Variants in TALDO1 observed in about 807,000 individuals in gnomAD.
TALDO1 encodes the protein transaldolase 1, also known as transaldolase.
TALDO1 carries 29 observed loss-of-function variants against 38.1 expected under a neutral mutation model. The observed-to-expected ratio is 0.76, with a 90% CI of 0.57 to 1.04. The LOEUF is 1.04. TALDO1 is among the 50% of genes least tolerant of loss of function. The probability of loss-of-function intolerance (pLI) is 0.00; values close to 1 mark genes in which losing one functional copy is unlikely to be tolerated. For missense variants in TALDO1, 499 were observed against 438.1 expected (o/e 1.14, Z -1.24); for synonymous variants, 207 against 176.8 (o/e 1.17, Z -1.36).
intron 1 of TALDO1, chr11:752,591 A>C (rs143976304): frequency 3.9e-5 from 6 of 152,316 alleles, no homozygotes; most frequent in African/African-American, 1.4e-4. Flanking sequence ...TAAAAGGCCC[A>C]AGAGGACAGG....
chr11:763,977 TCGGG>T, intron 6 of TALDO1, 33 bp downstream of exon 6: 1 of 1,600,840 alleles, frequency 6.2e-7, no homozygotes, highest in Non-Finnish European at 8.5e-7. Flanking sequence ...TGGCTCCTGC[TCGGG>T]CAAGGCCAGC....
intron 1 of TALDO1, among the ~76,000 whole-genome samples, chr11:748,869 T>G (rs1862703928): frequency 6.6e-6 from 1 of 152,172 alleles, no homozygotes; most frequent in Non-Finnish European, 1.5e-5. Flanking sequence ...GGCTACACAT[T>G]TTTCTGCTGC....
intron 1 of TALDO1, among the ~76,000 whole-genome samples, chr11:751,482 C>A (rs1228799595): frequency 6.6e-6 from 1 of 152,080 alleles, no homozygotes; most frequent in Admixed American, 6.6e-5. Flanking sequence ...CCAGCCTGGG[C>A]AACACAGTGA....
intron 4 of TALDO1, 98 bp downstream of exon 4, chr11:760,351 G>A (rs561482491): frequency 6.4e-7 from 1 of 1,568,088 alleles, no homozygotes; most frequent in Admixed American, 1.7e-5. Flanking sequence ...CTCAGCCCTG[G>A]GGAATGCCAG....
chr11:762,379 T>C (rs1490749064), intron 4 of TALDO1, among the ~76,000 whole-genome samples: 1 of 152,228 alleles, frequency 6.6e-6, no homozygotes, highest in Non-Finnish European at 1.5e-5. Context: ...TGTATATTGC[T>C]GTGGTCGGTT....
At chr11:759,193 C>T in intron 3 of TALDO1, 136 bp downstream of exon 3, 3 of 733,454 alleles carry the variant, frequency 4.1e-6, no homozygotes, top group Non-Finnish European at 7.3e-6. Flanking sequence ...TTATTTTGAG[C>T]TCTCCCACAG....
chr11:754,037 T>C (rs1862793269), intron 1 of TALDO1, among the ~76,000 whole-genome samples: 1 of 152,116 alleles, frequency 6.6e-6, no homozygotes, highest in African/African-American at 2.4e-5. Context: ...CAGGCTGTAG[T>C]GCAGTGGCAC....
At position 764,964 on chromosome 11, in the gene TALDO1, C is replaced by CTGAT; in HGVS notation, c.*121_*124dup. The CTGAT allele has an allele frequency of 7.0e-7, 1 of 1,437,828 alleles. No individual in the cohort carries two copies. The highest frequency in any genetic ancestry group is 9.7e-7 in the Non-Finnish European group (1 of 1,028,164). 89.1% of individuals were successfully genotyped at this position (1,437,828 alleles called of 1,614,324 possible). ...TGGAGCAGGGACAGATCATAGATTTCTGATTTTATGTAAAATTTTGCCTAA... is the reference window on the plus strand; with the variant it reads ...TGGAGCAGGGACAGATCATAGATTTCTGATTGATTTTATGTAAAATTTTGCCTAA... On this transcript the variant is annotated 3_prime_UTR_variant, in exon 8 of 8. Coordinates refer to ENST00000319006, the MANE Select transcript of TALDO1 (RefSeq NM_006755.2).
At chr11:749,489 A>G (rs1443842714) in intron 1 of TALDO1, among the ~76,000 whole-genome samples, 1 of 151,844 alleles carries the variant, frequency 6.6e-6, no homozygotes, top group African/African-American at 2.4e-5. Flanking sequence ...CATTGATAGT[A>G]TATGTTCATA....
intron 2 of TALDO1, chr11:756,209 T>C (rs1039487898): frequency 2.8e-6 from 2 of 722,368 alleles, no homozygotes; most frequent in African/African-American, 3.6e-5. Context: ...TCAGAGAGTT[T>C]TGCCAATGTG....
intron 2 of TALDO1, among the ~76,000 whole-genome samples, chr11:757,306 T>G (rs551392097): frequency 6.6e-6 from 1 of 151,510 alleles, no homozygotes; most frequent in East Asian, 1.9e-4. Context: ...TTTTTTTTTT[T>G]TTTTGAGATA....
At chr11:758,895 G>A (rs1027097090) in intron 2 of TALDO1, 55 bp from the exon 3 acceptor site, 73 of 1,485,794 alleles carry the variant, frequency 4.9e-5, no homozygotes, top group East Asian at 7.3e-5. Flanking sequence ...GTGAGCCACC[G>A]CACCTGGCGA....
intron 1 of TALDO1, among the ~76,000 whole-genome samples, chr11:751,151 C>T (rs1211749897): frequency 2.0e-5 from 3 of 151,998 alleles, no homozygotes; most frequent in Admixed American, 2.0e-4. Flanking sequence ...CAGCCTTGAC[C>T]TCCTGGGCTG....
intron 1 of TALDO1, among the ~76,000 whole-genome samples, chr11:751,422 C>G (rs922694336): frequency 3.9e-5 from 6 of 152,162 alleles, no homozygotes; most frequent in African/African-American, 1.4e-4. Context: ...TAATCCCCAG[C>G]ACTTTGGGAG....
chr11:761,730 G>A (rs1862927326), intron 4 of TALDO1, among the ~76,000 whole-genome samples: 2 of 152,266 alleles, frequency 1.3e-5, no homozygotes, highest in South Asian at 2.1e-4. Flanking sequence ...CACGGCTGGA[G>A]TGCAGTGGCA....
rs532763032 is a variant in TALDO1, at chr11:763,340, G to A, written c.462-4G>A. ...CCCCGCCCTCACCTGTCCCCGCCCC[G>A]CAGGGAGCTCGAGGAGCAGCACGGC... On this transcript the variant is annotated splice_polypyrimidine_tract_variant and splice_region_variant and intron_variant, in intron 4 of 7. Coordinates refer to ENST00000319006, the MANE Select transcript of TALDO1 (RefSeq NM_006755.2). The A allele has an allele frequency of 5.7e-5, 87 of 1,514,044 alleles. 1 individual carries two copies. In the Middle Eastern group the frequency reaches 1.4e-3, roughly 25 times the overall value. The allele number at this position is 1,514,044 out of a possible 1,614,324, so 93.8% of individuals were successfully genotyped here. A position where few individuals can be genotyped will look rare whatever the true frequency, so the allele number is the denominator to read the frequency against.
At chr11:751,049 T>C (rs1161311545) in intron 1 of TALDO1, among the ~76,000 whole-genome samples, 1 of 151,830 alleles carries the variant, frequency 6.6e-6, no homozygotes, top group Non-Finnish European at 1.5e-5. Context: ...AATCCTTGGG[T>C]TTTTGTTTTT....
At position 762,101 on chromosome 11, in the gene TALDO1, G is replaced by A. The variant is rs541812385; in HGVS notation, c.462-1243G>A. On this transcript the variant is annotated intron_variant, in intron 4 of 7. Transcript: ENST00000319006. Reference sequence around the variant, plus strand: ...CTGCCTCAGCCTCCGGAGTAGCTGGGATTACAGGCAGGCGCCACCACTCCC... The same window carrying A: ...CTGCCTCAGCCTCCGGAGTAGCTGGAATTACAGGCAGGCGCCACCACTCCC... Among the ~76,000 whole-genome samples the A allele has an allele frequency of 6.6e-5, 10 of 152,200 alleles. No homozygotes were observed. The East Asian group carries it at 1.2e-3, about 18-fold the overall frequency.
At chr11:755,134 C>CTTTTT in intron 1 of TALDO1, among the ~76,000 whole-genome samples, 1 of 122,014 alleles carries the variant, frequency 8.2e-6, no homozygotes. Context: ...TTCCCCTTGG[C>CTTTTT]CTTTTTTTTT....
Sources: allele counts gnomAD v4.1 joint callset (sites outside exome capture counted in the v4.1 genomes callset), GRCh38; gene constraint gnomAD v4.1.1; transcripts MANE v1.5; gene names NCBI Gene and HGNC (gene_info 2026-07-23, HGNC 2026-07-21).